EDEM2: variants seen among roughly 807,000 people sequenced by gnomAD.
EDEM2 encodes the protein ER degradation enhancing alpha-mannosidase like protein 2, also known as ER degradation-enhancing alpha-mannosidase-like protein 2.
A neutral mutation model predicts 64.8 loss-of-function variants in EDEM2; 39 were observed. The ratio of observed to expected loss-of-function variants is 0.60; its 90% CI spans 0.47 to 0.79. EDEM2 has a LOEUF of 0.79. Ranked by LOEUF, EDEM2 falls within the 30% of genes least tolerant of loss-of-function variation. The pLI, the probability that EDEM2 is intolerant of heterozygous loss-of-function variation, is 0.00. For synonymous variants in EDEM2, 296 were observed against 291.5 expected, an observed-to-expected ratio of 1.02 and a Z score of -0.16; for missense variants, 609 against 731.3, an observed-to-expected ratio of 0.83 and a Z score of 1.93.
chr20:35,118,750 C>A, intron 9 of EDEM2, 31 bp from the exon 10 acceptor site: 1 of 1,610,216 alleles, frequency 6.2e-7, no homozygotes, highest in South Asian at 1.1e-5. Flanking sequence ...CCTCCTCACT[C>A]AGTGGCTGCA....
chr20:35,118,491 C>T lies in EDEM2; in HGVS notation c.1236+107G>A, dbSNP rs150454173. On this transcript the variant is annotated intron_variant, in intron 10 of 10. Transcript: ENST00000374492. ...TGAGCATTATGTATATCTCCAAGGT[C>T]CCTTCTAGTGCTGATATGTCAGAAC... 102 of 1,528,212 alleles carry T rather than the reference C, an allele frequency of 6.7e-5. No homozygotes were observed. In the South Asian group the frequency reaches 1.1e-3, roughly 17 times the overall value. 94.7% of individuals were successfully genotyped at this position (1,528,212 alleles called of 1,614,324 possible). A position where few individuals can be genotyped will look rare whatever the true frequency, so the allele number is the denominator to read the frequency against.
chr20:35,134,787 G>A lies in EDEM2; in HGVS notation c.653C>T (p.Ala218Val), dbSNP rs773653550. ...CCAGAGGCGCATCAAAGCCACTCTG[G>A]CCACATCTTCGAACACCGGGTCACC... ...LTGDPVFEDVARVALMRLWES... is the reference protein window; with the variant it reads ...LTGDPVFEDVVRVALMRLWES... The change falls in exon 6 of 11, where the codon GCC (alanine) becomes GTC (valine). Residue 218 changes from alanine to valine, a missense_variant. Transcript: ENST00000374492. 1.1e-5 allele frequency: 18 copies of A among 1,613,960 alleles called. No individual in the cohort carries two copies. Among genetic ancestry groups the A allele is most frequent in the Admixed American group, 3.3e-5 (2 of 60,014 alleles).
chr20:35,146,270 G>C (rs2085731173), intron 2 of EDEM2, among the ~76,000 whole-genome samples: 1 of 152,128 alleles, frequency 6.6e-6, no homozygotes, highest in Non-Finnish European at 1.5e-5. Context: ...CAAGTTTTGA[G>C]TTTAATTTCT....
intron 6 of EDEM2, 50 bp from the exon 7 acceptor site, chr20:35,131,833 G>A: frequency 6.3e-7 from 1 of 1,594,120 alleles, no homozygotes. Context: ...GATGGCCAAA[G>A]AAGGATCTAC....
chr20:35,128,857 T>A lies in EDEM2; in HGVS notation c.845-2482A>T, dbSNP rs1322128228. On this transcript the variant is annotated intron_variant, in intron 7 of 10. Coordinates refer to ENST00000374492, the MANE Select transcript of EDEM2 (RefSeq NM_018217.3). ...AGAGAATAAGGATATAAATAAAATATTTCTGTATAGCTGTACAATGTGTTT... is the reference window on the plus strand; with the variant it reads ...AGAGAATAAGGATATAAATAAAATAATTCTGTATAGCTGTACAATGTGTTT... 4.0e-5 allele frequency among the ~76,000 whole-genome samples: 6 copies of A among 150,922 alleles called. No individual in the cohort carries two copies. In the East Asian group the frequency reaches 9.6e-4, roughly 24 times the overall value.
chr20:35,118,308 A>G (rs959579464), intron 10 of EDEM2, among the ~76,000 whole-genome samples: 1 of 152,158 alleles, frequency 6.6e-6, no homozygotes, highest in Non-Finnish European at 1.5e-5. Flanking sequence ...TTTCAAAGTC[A>G]CCTATTCAAA....
chr20:35,146,652 G>A (rs907028888), intron 2 of EDEM2, among the ~76,000 whole-genome samples, 173 bp downstream of exon 2: 1 of 152,190 alleles, frequency 6.6e-6, no homozygotes, highest in African/African-American at 2.4e-5. Context: ...ACTGCGAGAG[G>A]CTAAGTGGAT....
chr20:35,137,979 G>C lies in EDEM2; in HGVS notation c.391C>G (p.Leu131Val). ...TCCACCCCAGCCTTCTTGGAGAGCA[G>C]ATGAGCAGACAGGAGTCCTCCTACC... Reference protein sequence around the residue: ...RVVGGLLSAHLLSKKAGVEVE... With the variant: ...RVVGGLLSAHVLSKKAGVEVE... Residue 131 changes from leucine to valine, a missense_variant, in exon 5 of 11, where the codon CTG (leucine) becomes GTG (valine). Transcript: ENST00000374492. The C allele has an allele frequency of 6.2e-7, 1 of 1,614,208 alleles. No homozygotes were observed. Among genetic ancestry groups the C allele is most frequent in the Non-Finnish European group, 8.5e-7 (1 of 1,180,044 alleles).
chr20:35,147,294 G>C lies in EDEM2; in HGVS notation c.-36C>G, dbSNP rs775438790. On this transcript the variant is annotated 5_prime_UTR_variant, in exon 1 of 11. Coordinates refer to ENST00000374492, the MANE Select transcript of EDEM2 (RefSeq NM_018217.3). ...TCCTCTCAGCGCCCCCGCAGCAGCA[G>C]CAGCCACTGCAACCAGTTCATCCTG... The C allele has an allele frequency of 2.7e-6, 4 of 1,468,716 alleles. No individual in the cohort carries two copies. In the Admixed American group the frequency reaches 7.3e-5, roughly 27 times the overall value. 91.0% of individuals were successfully genotyped at this position (1,468,716 alleles called of 1,614,324 possible). A position where few individuals can be genotyped will look rare whatever the true frequency, so the allele number is the denominator to read the frequency against.
In EDEM2 at chr20:35,144,998, T is replaced by C; in HGVS notation, c.239A>G (p.Asp80Gly). 1 of 1,614,048 alleles carries C rather than the reference T, an allele frequency of 6.2e-7. No homozygotes were observed. The highest frequency in any genetic ancestry group is 8.5e-7 in the Non-Finnish European group (1 of 1,179,968). The change falls in exon 3 of 11, where the codon GAT becomes GGT. Residue 80 changes from aspartate to glycine, a missense_variant. Asp to Gly is a moderately conservative substitution (Grantham distance 94). Transcript: ENST00000374492. ...TWGSFSLTLIDALDTLLILGN... is the reference protein window; with the variant it reads ...TWGSFSLTLIGALDTLLILGN... ...ACTTACCAGCAAGGTGTCCAGTGCATCAATTAGAGTCAGAGAAAAACTGCA... is the reference window on the plus strand; with the variant it reads ...ACTTACCAGCAAGGTGTCCAGTGCACCAATTAGAGTCAGAGAAAAACTGCA...
chr20:35,121,980 G>A (rs1340442383), intron 9 of EDEM2, among the ~76,000 whole-genome samples: 1 of 152,130 alleles, frequency 6.6e-6, no homozygotes, highest in Non-Finnish European at 1.5e-5. Flanking sequence ...ATAGAGACAA[G>A]GTCTTGCTAT....
intron 7 of EDEM2, among the ~76,000 whole-genome samples, chr20:35,128,021 T>C (rs2085457490): frequency 6.6e-6 from 1 of 152,358 alleles, no homozygotes; most frequent in East Asian, 1.9e-4. Context: ...GTACGTGATA[T>C]TTAATAAACA....
At chr20:35,118,774 G>A (rs1402606495) in intron 9 of EDEM2, 55 bp from the exon 10 acceptor site, 13 of 1,599,214 alleles carry the variant, frequency 8.1e-6, no homozygotes, top group Middle Eastern at 2.3e-4. Flanking sequence ...AGATGGCCTG[G>A]GGCCTCTTAG....
At position 35,123,996 on chromosome 20, in the gene EDEM2, G is replaced by A; in HGVS notation, c.1008C>T (p.Phe336=). The A allele has an allele frequency of 6.2e-7, 1 of 1,614,052 alleles. No homozygotes were observed. The highest frequency in any genetic ancestry group is 1.1e-5 in the South Asian group (1 of 91,076). The change falls in exon 9 of 11, where the codon TTC becomes TTT. Residue 336 remains phenylalanine, a synonymous_variant. Transcript: ENST00000374492. ...GCTTCCATACAGTGTAGTAGTTGAG[G>A]AAGGTCCTCATGGCATTGTCAATGT... is the stretch of plus-strand genomic sequence containing the variant. ...IGDIDNAMRT[F]LNYYTVWKQF...
At chr20:35,143,321 C>T (rs1490330168) in intron 3 of EDEM2, among the ~76,000 whole-genome samples, 1 of 152,190 alleles carries the variant, frequency 6.6e-6, no homozygotes, top group African/African-American at 2.4e-5. Context: ...GGGACAAACA[C>T]AGCTAACATG....
intron 4 of EDEM2, among the ~76,000 whole-genome samples, chr20:35,138,732 A>G (rs1600715408): frequency 6.7e-6 from 1 of 150,274 alleles, no homozygotes; most frequent in Non-Finnish European, 1.5e-5. Flanking sequence ...GGAGCTCACC[A>G]CCATGCCCGG....
At chr20:35,136,461 G>C (rs1569180895) in intron 5 of EDEM2, among the ~76,000 whole-genome samples, 1 of 152,090 alleles carries the variant, frequency 6.6e-6, no homozygotes, top group Non-Finnish European at 1.5e-5. Flanking sequence ...AGTGCTATGT[G>C]AGAAGGATAA....
chr20:35,135,358 G>GT (rs2085561861), intron 5 of EDEM2, among the ~76,000 whole-genome samples: 1 of 152,136 alleles, frequency 6.6e-6, no homozygotes. Context: ...AGTAAGCCCC[G>GT]TTCAAAGCCA....
intron 5 of EDEM2, among the ~76,000 whole-genome samples, chr20:35,135,476 C>A (rs1278031376): frequency 6.6e-6 from 1 of 152,130 alleles, no homozygotes; most frequent in Non-Finnish European, 1.5e-5. Context: ...CATGGTGAAA[C>A]CCTATTTCTA....
Sources: gnomAD v4.1 joint callset for allele counts (sites outside exome capture counted in the v4.1 genomes callset) on GRCh38, gnomAD v4.1.1 for gene constraint, MANE v1.5 for transcripts, NCBI Gene and HGNC (gene_info 2026-07-23, HGNC 2026-07-21) for gene names.